The following SLC60A2 variants were observed in gnomAD, a reference collection of about 807,000 sequenced individuals.
SLC60A2 encodes major facilitator superfamily domain containing 4B.
At chr6:111,268,402 A>G in the SLC60A2 span, 1 of 152,220 alleles carries the variant, frequency 6.6e-6, no homozygotes, top group Non-Finnish European at 1.5e-5. Flanking sequence ...TCCCATATGT[A>G]TATATAAAAT....
At chr6:111,275,738 T>C in the SLC60A2 span, among the ~76,000 whole-genome samples, 1 of 152,208 alleles carries the variant, frequency 6.6e-6, no homozygotes, top group Admixed American at 6.5e-5. Flanking sequence ...GATTATACGA[T>C]GCTTTTCCAA....
At chr6:111,261,888 G>A in the SLC60A2 span, among the ~76,000 whole-genome samples, 22 of 152,032 alleles carry the variant, frequency 1.4e-4, no homozygotes, top group Admixed American at 1.1e-3. Flanking sequence ...TACTGTGCCC[G>A]GCCAATTTAA....
chr6:111,275,648 TC>T, the SLC60A2 span, among the ~76,000 whole-genome samples: 1 of 152,098 alleles, frequency 6.6e-6, no homozygotes, highest in Admixed American at 6.5e-5. Flanking sequence ...GACCTTGTGA[TC>T]CACCCACCTC....
chr6:111,259,860 C>G, the SLC60A2 span: 2 of 580,014 alleles, frequency 3.4e-6, no homozygotes, highest in African/African-American at 4.0e-5. Flanking sequence ...GGGCACAATT[C>G]TAATCTTGGA....
At chr6:111,266,494 T>G in the SLC60A2 span, 1 of 1,614,244 alleles carries the variant, frequency 6.2e-7, no homozygotes, top group Non-Finnish European at 8.5e-7. Flanking sequence ...TCATCTTTAT[T>G]TCTGGTGCTT....
At chr6:111,266,724 T>C in the SLC60A2 span, 1 of 1,614,228 alleles carries the variant, frequency 6.2e-7, no homozygotes, top group Non-Finnish European at 8.5e-7. Context: ...TGTAGTTCTG[T>C]ATACCTCTTT....
the SLC60A2 span, among the ~76,000 whole-genome samples, chr6:111,278,973 C>T: frequency 6.6e-6 from 1 of 152,212 alleles, no homozygotes; most frequent in Non-Finnish European, 1.5e-5. Flanking sequence ...TCAAACCTGG[C>T]TGCTGTTAGA....
the SLC60A2 span, among the ~76,000 whole-genome samples, chr6:111,274,561 AGTT>A: frequency 6.6e-6 from 1 of 151,458 alleles, no homozygotes; most frequent in African/African-American, 2.4e-5. Context: ...TCATTTTGTG[AGTT>A]GTTTTCTGAT....
At chr6:111,261,437 G>A in the SLC60A2 span, among the ~76,000 whole-genome samples, 191 of 151,900 alleles carry the variant, frequency 1.3e-3, no homozygotes, top group African/African-American at 4.4e-3. Flanking sequence ...ACAGGCATGC[G>A]CCACCACGCC....
the SLC60A2 span, chr6:111,267,045 T>G: frequency 2.5e-6 from 4 of 1,614,126 alleles, no homozygotes; most frequent in African/African-American, 5.3e-5. Context: ...GGTGTTTGAG[T>G]CTTCTCCTTT....
At chr6:111,275,438 CT>C in the SLC60A2 span, among the ~76,000 whole-genome samples, 1 of 144,236 alleles carries the variant, frequency 6.9e-6, no homozygotes, top group African/African-American at 2.6e-5. Flanking sequence ...AATATGGAGT[CT>C]TGCTCTGTCA....
At chr6:111,276,648 C>CA in the SLC60A2 span, among the ~76,000 whole-genome samples, 2 of 152,204 alleles carry the variant, frequency 1.3e-5, no homozygotes, top group Admixed American at 1.3e-4. Context: ...CTTGCAGTAG[C>CA]AGGTACAGCT....
chr6:111,266,543 A>C, the SLC60A2 span: 1 of 1,614,164 alleles, frequency 6.2e-7, no homozygotes, highest in Non-Finnish European at 8.5e-7. Flanking sequence ...TAGCAACTTC[A>C]GTGTATGGGG....
At chr6:111,274,480 A>G in the SLC60A2 span, among the ~76,000 whole-genome samples, 3 of 152,244 alleles carry the variant, frequency 2.0e-5, no homozygotes, top group Admixed American at 1.3e-4. Context: ...CAGTCTTTCT[A>G]TAACTTTTAG....
At chr6:111,263,962 A>T in the SLC60A2 span, 1 of 1,311,448 alleles carries the variant, frequency 7.6e-7, no homozygotes, top group South Asian at 1.2e-5. Flanking sequence ...TGAGCTCTTC[A>T]ACGTCATCTC....
chr6:111,266,033 C>G, the SLC60A2 span: 1 of 1,614,202 alleles, frequency 6.2e-7, no homozygotes, highest in African/African-American at 1.3e-5. Context: ...CAGAGTCTGA[C>G]TTCCATCCTG....
At chr6:111,261,884 G>A in the SLC60A2 span, among the ~76,000 whole-genome samples, 1 of 152,090 alleles carries the variant, frequency 6.6e-6, no homozygotes, top group African/African-American at 2.4e-5. Context: ...GAGCTACTGT[G>A]CCCGGCCAAT....
At chr6:111,277,355 A>G in the SLC60A2 span, among the ~76,000 whole-genome samples, 1 of 152,150 alleles carries the variant, frequency 6.6e-6, no homozygotes, top group Non-Finnish European at 1.5e-5. Flanking sequence ...TTTACCAAGA[A>G]AGAAAGCTTT....
the SLC60A2 span, among the ~76,000 whole-genome samples, chr6:111,275,651 A>C: frequency 6.6e-6 from 1 of 152,018 alleles, no homozygotes; most frequent in Non-Finnish European, 1.5e-5. Flanking sequence ...CTTGTGATCC[A>C]CCCACCTCGG....
Sources: allele counts gnomAD v4.1 joint callset (sites outside exome capture counted in the v4.1 genomes callset), GRCh38; gene constraint gnomAD v4.1.1; transcripts MANE v1.5; gene names NCBI Gene and HGNC (gene_info 2026-07-23, HGNC 2026-07-21).